ADAMTS17: variants seen among roughly 807,000 people sequenced by gnomAD.
ADAMTS17 encodes the protein ADAM metallopeptidase with thrombospondin type 1 motif 17, also known as A disintegrin and metalloproteinase with thrombospondin motifs 17.
A neutral mutation model predicts 141.5 loss-of-function variants in ADAMTS17; 113 were observed. That is an observed-to-expected ratio of 0.80 (90% CI 0.69 to 0.93). The LOEUF (loss-of-function observed/expected upper bound fraction) is 0.93, where lower values mean the gene tolerates loss of function less well. ADAMTS17 is among the 40% of genes least tolerant of loss of function. The pLI is 0.00. For synonymous variants in ADAMTS17, 768 were observed against 630.6 expected, an observed-to-expected ratio of 1.22 and a Z score of -3.27; for missense variants, 1,659 against 1,517.9, an observed-to-expected ratio of 1.09 and a Z score of -1.54.
intron 4 of ADAMTS17, among the ~76,000 whole-genome samples, chr15:100,279,146 T>C (rs553792988): frequency 1.3e-5 from 2 of 151,852 alleles, no homozygotes; most frequent in East Asian, 3.9e-4. Flanking sequence ...ACACCGGAGG[T>C]CCCAGCAACA....
intron 15 of ADAMTS17, among the ~76,000 whole-genome samples, chr15:100,059,692 A>G (rs1190901765): frequency 6.6e-6 from 1 of 152,150 alleles, no homozygotes; most frequent in Non-Finnish European, 1.5e-5. Flanking sequence ...GGGCCATGTC[A>G]AATCCAGAGA....
At chr15:100,220,153 G>A (rs1020325790) in intron 7 of ADAMTS17, among the ~76,000 whole-genome samples, 4 of 152,142 alleles carry the variant, frequency 2.6e-5, no homozygotes, top group African/African-American at 9.7e-5. Flanking sequence ...TCTGGCCTTA[G>A]ACACTCCTCA....
chr15:100,312,122 G>C (rs534987951), intron 3 of ADAMTS17, among the ~76,000 whole-genome samples: 1 of 152,190 alleles, frequency 6.6e-6, no homozygotes, highest in East Asian at 1.9e-4. Context: ...CAGAACCTAC[G>C]AAAATGTGAA....
At chr15:100,165,425 G>A (rs982308757) in intron 8 of ADAMTS17, among the ~76,000 whole-genome samples, 1 of 152,194 alleles carries the variant, frequency 6.6e-6, no homozygotes, top group African/African-American at 2.4e-5. Flanking sequence ...ATGGCTTCAT[G>A]ATAGGATGGT....
intron 8 of ADAMTS17, among the ~76,000 whole-genome samples, chr15:100,159,541 C>A (rs370368769): frequency 6.6e-6 from 1 of 152,286 alleles, no homozygotes; most frequent in East Asian, 1.9e-4. Flanking sequence ...ATGAGCAGGT[C>A]TTCTGAAAGT....
chr15:100,209,115 A>C (rs1181140445), intron 7 of ADAMTS17, among the ~76,000 whole-genome samples: 11 of 58,546 alleles, frequency 1.9e-4, no homozygotes, highest in African/African-American at 3.4e-4. Context: ...CAAGTTAGCA[A>C]AAAAAAAAAA....
At chr15:100,296,595 G>A (rs113160487) in intron 3 of ADAMTS17, among the ~76,000 whole-genome samples, 71 of 152,172 alleles carry the variant, frequency 4.7e-4, no homozygotes, top group African/African-American at 1.3e-3. Context: ...GTGTGTGTGT[G>A]TGTGTGTGTA....
At chr15:99,984,547 C>T (rs1028617393) in intron 20 of ADAMTS17, among the ~76,000 whole-genome samples, 2 of 152,180 alleles carry the variant, frequency 1.3e-5, no homozygotes, top group Admixed American at 6.5e-5. Context: ...GTGAAAATAA[C>T]GATGATCAAA....
intron 7 of ADAMTS17, among the ~76,000 whole-genome samples, chr15:100,237,404 G>A (rs1003172093): frequency 6.6e-6 from 1 of 152,106 alleles, no homozygotes; most frequent in Non-Finnish European, 1.5e-5. Flanking sequence ...TGCCCTGGCT[G>A]AGCAGCTCTG....
intron 15 of ADAMTS17, among the ~76,000 whole-genome samples, chr15:100,058,367 C>A (rs74327981): frequency 6.8e-6 from 1 of 146,318 alleles, no homozygotes; most frequent in Non-Finnish European, 1.5e-5. Context: ...GGCTCTAACC[C>A]TCCTATCCCA....
chr15:100,056,141 C>T (rs2032546050), intron 15 of ADAMTS17, among the ~76,000 whole-genome samples: 1 of 152,204 alleles, frequency 6.6e-6, no homozygotes, highest in African/African-American at 2.4e-5. Flanking sequence ...CACGGATTTC[C>T]AATGCTTCTA....
chr15:99,974,506 G>C lies in ADAMTS17; in HGVS notation c.3184C>G (p.Arg1062Gly). ...ATGTCCTGGCAGAGGTTCTTTTCTC[G>C]GATGACCCGGCAATATACCGTCCAC... ...DQWTVYCRVI[R>G]EKNLCQDMRW... The change falls in exon 22 of 22, where the codon CGA (arginine) becomes GGA (glycine). Residue 1062 changes from arginine (R) to glycine (G), a missense_variant. Physicochemically the swap from Arg to Gly is moderately radical, Grantham distance 125. Transcript: ENST00000268070. The C allele has an allele frequency of 2.5e-6, 4 of 1,614,216 alleles. No individual in the cohort carries two copies. Among genetic ancestry groups the C allele is most frequent in the Non-Finnish European group, 3.4e-6 (4 of 1,180,022 alleles).
chr15:100,266,876 G>T (rs1405814994), intron 4 of ADAMTS17, among the ~76,000 whole-genome samples: 1 of 152,114 alleles, frequency 6.6e-6, no homozygotes, highest in South Asian at 2.1e-4. Context: ...GAGCTCCGGA[G>T]GATGAGACCT....
At chr15:100,211,099 C>T (rs1355552798) in intron 7 of ADAMTS17, among the ~76,000 whole-genome samples, 1 of 131,896 alleles carries the variant, frequency 7.6e-6, no homozygotes, top group Non-Finnish European at 1.6e-5. Flanking sequence ...GACTCAGTCT[C>T]AAATAAATAA....
Position 100,281,261 on chromosome 15 carries a change from C to A in ADAMTS17, c.757G>T (p.Ala253Ser), listed in dbSNP as rs777227721. 171 of 1,606,810 alleles carry A rather than the reference C, an allele frequency of 1.1e-4. No homozygotes were observed. Among genetic ancestry groups the A allele is most frequent in the Non-Finnish European group, 1.4e-4 (167 of 1,179,996 alleles). The change falls in exon 4 of 22, where the codon GCC (alanine) becomes TCC (serine). Residue 253 changes from alanine to serine, a missense_variant. By Grantham distance (99) the Ala-to-Ser change is moderately conservative (BLOSUM62 1). Transcript: ENST00000268070. ...ATGACGGTCAGGATGAACCTCTGGG[C>A]GGCCTCGGCCCCGTGGTACTGCACC... ...DMVQYHGAEAAQRFILTVMNM... is the reference protein window; with the variant it reads ...DMVQYHGAEASQRFILTVMNM...
At chr15:100,292,139 G>T (rs1596461908) in intron 3 of ADAMTS17, among the ~76,000 whole-genome samples, 1 of 137,902 alleles carries the variant, frequency 7.3e-6, no homozygotes, top group Non-Finnish European at 1.5e-5. Context: ...AGCCCGTGGG[G>T]AGTCACGAGA....
chr15:99,992,575 G>A (rs952266726), intron 20 of ADAMTS17, among the ~76,000 whole-genome samples: 1 of 152,186 alleles, frequency 6.6e-6, no homozygotes, highest in African/African-American at 2.4e-5. Context: ...TGCTGACCCG[G>A]CGGTTCTGTG....
At chr15:100,111,803 C>G (rs759700931) in intron 13 of ADAMTS17, among the ~76,000 whole-genome samples, 5 of 152,238 alleles carry the variant, frequency 3.3e-5, no homozygotes, top group Non-Finnish European at 7.3e-5. Flanking sequence ...CTATTCGTTT[C>G]AGGTGGGTGC....
At position 99,993,317 on chromosome 15, in the gene ADAMTS17, C is replaced by G; in HGVS notation, c.2797-117G>C. 1 of 1,448,036 alleles carries G rather than the reference C, an allele frequency of 6.9e-7. No individual in the cohort carries two copies. The highest frequency in any genetic ancestry group is 2.3e-5 in the East Asian group (1 of 44,052). The allele number at this position is 1,448,036 out of a possible 1,614,324, so 89.7% of individuals were successfully genotyped here. A position where few individuals can be genotyped will look rare whatever the true frequency, so the allele number is the denominator to read the frequency against. The stretch of plus-strand genomic sequence containing the variant: ...GTGGGGATGATACAAAGATGAAAAC[C>G]CACACTTCTGTCCTCAAAAAGCTCC... On this transcript the variant is annotated intron_variant, in intron 19 of 21. Coordinates refer to ENST00000268070, the MANE Select transcript of ADAMTS17 (RefSeq NM_139057.4). The surrounding 1 kb of genome is among the most constrained non-coding windows in gnomAD (Gnocchi z 4.3).
Sources: gnomAD v4.1 joint callset for allele counts (sites outside exome capture counted in the v4.1 genomes callset) on GRCh38, gnomAD v4.1.1 for gene constraint, Gnocchi (gnomAD v3.1) non-coding constraint, MANE v1.5 for transcripts, NCBI Gene and HGNC (gene_info 2026-07-23, HGNC 2026-07-21) for gene names.